CNTNAP5: variants seen among roughly 807,000 people sequenced by gnomAD.
The protein encoded by CNTNAP5 is contactin associated protein family member 5.
A neutral mutation model predicts 150.2 loss-of-function variants in CNTNAP5; 72 were observed. The ratio of observed to expected loss-of-function variants is 0.48; its 90% CI spans 0.40 to 0.58. The LOEUF is 0.58. Ranked by LOEUF, CNTNAP5 falls within the 20% of genes least tolerant of loss-of-function variation. The pLI, the probability that CNTNAP5 is intolerant of heterozygous loss-of-function variation, is 0.00. For synonymous variants in CNTNAP5, 672 were observed against 619.8 expected, an observed-to-expected ratio of 1.08 and a Z score of -1.25; for missense variants, 1,636 against 1,626.2, an observed-to-expected ratio of 1.01 and a Z score of -0.10.
At chr2:124,744,499 T>C (rs1224697417) in intron 13 of CNTNAP5, among the ~76,000 whole-genome samples, 3 of 152,190 alleles carry the variant, frequency 2.0e-5, no homozygotes, top group Non-Finnish European at 4.4e-5. Context: ...CATTTCCTAT[T>C]AATTACCATG....
intron 12 of CNTNAP5, among the ~76,000 whole-genome samples, chr2:124,618,968 T>C (rs1425777817): frequency 6.6e-6 from 1 of 152,172 alleles, no homozygotes; most frequent in Non-Finnish European, 1.5e-5. Context: ...GAATAAGATA[T>C]TTAGAAAATG....
intron 4 of CNTNAP5, among the ~76,000 whole-genome samples, chr2:124,426,718 T>C (rs1393761959): frequency 6.6e-6 from 1 of 152,196 alleles, no homozygotes; most frequent in African/African-American, 2.4e-5. Context: ...AGCCCTTTTT[T>C]TAGCTGGTTT....
intron 17 of CNTNAP5, among the ~76,000 whole-genome samples, chr2:124,786,422 GGAAGGAAGGAAGGAAGGAAGGAAGGAAA>G (rs1681586634): frequency 2.0e-5 from 2 of 98,890 alleles, no homozygotes; most frequent in African/African-American, 9.8e-5. Context: ...AAGGAAGGAA[GGAAGGAAGGAAGGAAGGAAGGAAGGAAA>G]GAAAGAAAGA....
intron 1 of CNTNAP5, among the ~76,000 whole-genome samples, chr2:124,155,674 A>C (rs537775637): frequency 2.0e-5 from 3 of 152,150 alleles, no homozygotes; most frequent in Non-Finnish European, 2.9e-5. Flanking sequence ...TTTCAGGGAA[A>C]TGTAGATATA....
At chr2:124,462,416 C>T (rs146650059) in intron 6 of CNTNAP5, among the ~76,000 whole-genome samples, 2 of 152,224 alleles carry the variant, frequency 1.3e-5, no homozygotes, top group African/African-American at 4.8e-5. Flanking sequence ...AAATAAGATA[C>T]AAAGACTTCT....
intron 3 of CNTNAP5, among the ~76,000 whole-genome samples, chr2:124,269,973 G>A (rs935671359): frequency 7.9e-5 from 12 of 152,224 alleles, no homozygotes; most frequent in Admixed American, 3.9e-4. Flanking sequence ...CTAGAGTAGC[G>A]AAAGCATAAC....
At chr2:124,355,095 T>C (rs923272790) in intron 3 of CNTNAP5, among the ~76,000 whole-genome samples, 3 of 150,800 alleles carry the variant, frequency 2.0e-5, no homozygotes, top group African/African-American at 7.3e-5. Flanking sequence ...ATAATATATT[T>C]AATATTTCTA....
At chr2:124,812,624 C>G (rs150731484) in intron 19 of CNTNAP5, among the ~76,000 whole-genome samples, 262 of 152,280 alleles carry the variant, frequency 1.7e-3, no homozygotes, top group Admixed American at 3.3e-3. Flanking sequence ...GTTTCCACAA[C>G]GTCTTATCAT....
At position 124,914,155 on chromosome 2, in the gene CNTNAP5, A is replaced by G. The variant is rs750350123; in HGVS notation, c.3791A>G (p.Tyr1264Cys). 4 of 1,612,436 alleles carry G rather than the reference A, an allele frequency of 2.5e-6. No homozygotes were observed. Among genetic ancestry groups the G allele is most frequent in the Non-Finnish European group, 3.4e-6 (4 of 1,179,034 alleles). ...CIIGIMTRFL[Y>C]QHKQSHRTSQ... The stretch of plus-strand genomic sequence containing the variant: ...ATCGGCATCATGACCCGGTTCCTCT[A>G]CCAGCACAAGCAGTCACATCGTACG... Residue 1264 changes from tyrosine to cysteine, a missense_variant, in exon 24 of 24, where the codon TAC becomes TGC. By Grantham distance (194) the Tyr-to-Cys change is radical. Coordinates refer to ENST00000682447, the MANE Select transcript of CNTNAP5 (RefSeq NM_001367498.1).
At chr2:124,286,558 A>G (rs887784907) in intron 3 of CNTNAP5, among the ~76,000 whole-genome samples, 2 of 152,172 alleles carry the variant, frequency 1.3e-5, no homozygotes, top group African/African-American at 4.8e-5. Flanking sequence ...TAGAATGTGA[A>G]CACAAACCTC....
chr2:124,711,711 C>T (rs891581665), intron 13 of CNTNAP5, among the ~76,000 whole-genome samples: 3 of 151,952 alleles, frequency 2.0e-5, no homozygotes, highest in African/African-American at 4.8e-5. Flanking sequence ...CAGGGTGGCA[C>T]GTGCCTGTAG....
Position 124,251,287 on chromosome 2 carries a change from C to G in CNTNAP5, c.381+8894C>G, listed in dbSNP as rs1003079440. ...GCTCATAGGAAAAAGAAACAGTTTT[C>G]CCCCACCCCCCCAAGTATTGGAAGT... is the stretch of plus-strand genomic sequence containing the variant. On this transcript the variant is annotated intron_variant, in intron 3 of 23. Transcript: ENST00000682447. Among the ~76,000 whole-genome samples the G allele has an allele frequency of 2.9e-5, 4 of 135,720 alleles. No individual in the cohort carries two copies. The Admixed American group carries it at 3.0e-4, about 10-fold the overall frequency. 89.0% of individuals were successfully genotyped at this position (135,720 alleles called of 152,430 possible).
At chr2:124,812,002 A>G (rs1275594463) in intron 19 of CNTNAP5, among the ~76,000 whole-genome samples, 36 of 111,278 alleles carry the variant, frequency 3.2e-4, no homozygotes, top group African/African-American at 1.2e-3. Flanking sequence ...TATATATTAT[A>G]TAATATATAA....
intron 19 of CNTNAP5, among the ~76,000 whole-genome samples, chr2:124,824,147 A>G (rs1682545569): frequency 6.6e-6 from 1 of 151,786 alleles, no homozygotes; most frequent in Non-Finnish European, 1.5e-5. Context: ...TGAACTCTTG[A>G]CCTTAGGTGA....
chr2:124,597,997 G>C (rs1696872226), intron 11 of CNTNAP5, among the ~76,000 whole-genome samples: 1 of 111,538 alleles, frequency 9.0e-6, no homozygotes, highest in South Asian at 3.7e-4. Flanking sequence ...AGCTCCATCA[G>C]CTCCTTTAAG....
At position 124,272,427 on chromosome 2, in the gene CNTNAP5, A is replaced by T. The variant is rs116203777; in HGVS notation, c.381+30034A>T. On this transcript the variant is annotated intron_variant, in intron 3 of 23. Transcript: ENST00000682447. ...TATATACCAGACATTTTTATACAGA[A>T]TGTGCTTACAGAAAGGGAATCTGAA... Among the ~76,000 whole-genome samples, 512 of 152,318 alleles carry T rather than the reference A, an allele frequency of 3.4e-3. 2 individuals carry two copies. The highest frequency in any genetic ancestry group is 0.031 in the Middle Eastern group (9 of 294).
intron 1 of CNTNAP5, among the ~76,000 whole-genome samples, chr2:124,160,037 ACT>A (rs1386495459): frequency 6.6e-6 from 1 of 152,020 alleles, no homozygotes; most frequent in African/African-American, 2.4e-5. Flanking sequence ...AGAGGAACAG[ACT>A]CTCTCTTATT....
At chr2:124,742,714 C>A (rs922223775) in intron 13 of CNTNAP5, among the ~76,000 whole-genome samples, 1 of 151,700 alleles carries the variant, frequency 6.6e-6, no homozygotes, top group Non-Finnish European at 1.5e-5. Context: ...GGTCATATGA[C>A]AATAATATTT....
At chr2:124,657,234 C>G (rs1454257065) in intron 13 of CNTNAP5, among the ~76,000 whole-genome samples, 2 of 152,122 alleles carry the variant, frequency 1.3e-5, no homozygotes, top group Non-Finnish European at 2.9e-5. Context: ...TGGCATTTAC[C>G]TACTCCTGGT....
Sources: gnomAD v4.1 joint callset for allele counts (sites outside exome capture counted in the v4.1 genomes callset) on GRCh38, gnomAD v4.1.1 for gene constraint, MANE v1.5 for transcripts, NCBI Gene and HGNC (gene_info 2026-07-23, HGNC 2026-07-21) for gene names.